Variants in CCSER2 observed in about 807,000 individuals in gnomAD.
CCSER2 encodes coiled-coil serine rich protein 2.
CCSER2 carries 46 observed loss-of-function variants against 92.3 expected under a neutral mutation model. That is an observed-to-expected ratio of 0.50 (90% CI 0.39 to 0.64). The LOEUF (loss-of-function observed/expected upper bound fraction) is 0.64. Among genes scored for constraint, CCSER2 ranks in the 30% least tolerant of loss-of-function variants. The pLI is 0.00. For synonymous variants in CCSER2, 433 were observed against 431.4 expected, an observed-to-expected ratio of 1.00 and a Z score of -0.04; for missense variants, 1,244 against 1,238.9, an observed-to-expected ratio of 1.00 and a Z score of -0.06.
At chr10:84,355,354 A>G (rs61232250) in intron 1 of CCSER2, among the ~76,000 whole-genome samples, 32,277 of 152,024 alleles carry the variant, frequency 0.21, 3,654 homozygotes, top group Admixed American at 0.34. Context: ...TGTCATGCTG[A>G]TTCTATGTTT....
At chr10:84,431,684 G>A (rs1039949876) in intron 5 of CCSER2, among the ~76,000 whole-genome samples, 2 of 152,120 alleles carry the variant, frequency 1.3e-5, no homozygotes, top group Non-Finnish European at 2.9e-5. Flanking sequence ...TGAGGCTGCA[G>A]TGAGCCGAGA....
chr10:84,447,814 T>G (rs1340394428), intron 6 of CCSER2, among the ~76,000 whole-genome samples: 2 of 152,086 alleles, frequency 1.3e-5, no homozygotes, highest in Non-Finnish European at 2.9e-5. Flanking sequence ...TTCTTTTGTT[T>G]TGTTTTGTTT....
At chr10:84,431,396 T>A (rs765147468) in intron 5 of CCSER2, among the ~76,000 whole-genome samples, 2 of 152,108 alleles carry the variant, frequency 1.3e-5, no homozygotes, top group Non-Finnish European at 2.9e-5. Flanking sequence ...TTCTTTCACT[T>A]ACCAAAATAC....
chr10:84,451,254 G>GTTTT (rs554339043), intron 6 of CCSER2, among the ~76,000 whole-genome samples: 1 of 139,566 alleles, frequency 7.2e-6, no homozygotes. Flanking sequence ...GGTTGGTTGG[G>GTTTT]TTTTTTTTTT....
chr10:84,406,631 A>G (rs943137835), intron 3 of CCSER2, among the ~76,000 whole-genome samples: 2 of 152,184 alleles, frequency 1.3e-5, no homozygotes, highest in African/African-American at 4.8e-5. Flanking sequence ...GAGAATATAC[A>G]TATTTGGGTT....
At chr10:84,423,956 G>A (rs1319483393) in intron 4 of CCSER2, among the ~76,000 whole-genome samples, 1 of 146,108 alleles carries the variant, frequency 6.8e-6, no homozygotes, top group African/African-American at 2.6e-5. Flanking sequence ...AGACCAGCCT[G>A]GCCAGCATAG....
At chr10:84,464,971 G>A (rs1217084954) in intron 7 of CCSER2, among the ~76,000 whole-genome samples, 1 of 152,134 alleles carries the variant, frequency 6.6e-6, no homozygotes, top group Non-Finnish European at 1.5e-5. Context: ...AATCATAAGA[G>A]TATAGTACAG....
intron 9 of CCSER2, among the ~76,000 whole-genome samples, chr10:84,484,889 A>G (rs1847714552): frequency 6.6e-6 from 1 of 152,160 alleles, no homozygotes; most frequent in Non-Finnish European, 1.5e-5. Flanking sequence ...TAAACCAATA[A>G]CCGAAAAAAC....
At position 84,470,395 on chromosome 10, in the gene CCSER2, A is replaced by G; in HGVS notation, c.2172A>G (p.Ile724Met). 5 of 1,366,092 alleles carry G rather than the reference A, an allele frequency of 3.7e-6. No homozygotes were observed. Among genetic ancestry groups the G allele is most frequent in the Non-Finnish European group, 4.9e-6 (5 of 1,018,690 alleles). The allele number at this position is 1,366,092 out of a possible 1,614,324, so 84.6% of individuals were successfully genotyped here. A position where few individuals can be genotyped will look rare whatever the true frequency, so the allele number is the denominator to read the frequency against. Residue 724 changes from isoleucine (I) to methionine (M), a missense_variant, in exon 8 of 10, where the codon ATA becomes ATG. Physicochemically the swap from Ile to Met is conservative, Grantham distance 10 (BLOSUM62 1). Coordinates refer to ENST00000372088, the MANE Select transcript of CCSER2 (RefSeq NM_001284240.2). ...VYKNEDLLNE[I>M]KQLKDEIKKK... ...AGAATGAAGATTTATTAAATGAAAT[A>G]AAACAACTTAAAGACGAAATAAAGA...
At chr10:84,452,995 C>T (rs187849433) in intron 6 of CCSER2, among the ~76,000 whole-genome samples, 100 of 152,154 alleles carry the variant, frequency 6.6e-4, no homozygotes, top group African/African-American at 2.2e-3. Flanking sequence ...GGCTCTTGTG[C>T]TTTAATGGAA....
At chr10:84,448,862 T>C (rs915634425) in intron 6 of CCSER2, among the ~76,000 whole-genome samples, 2 of 152,220 alleles carry the variant, frequency 1.3e-5, no homozygotes, top group Non-Finnish European at 2.9e-5. Context: ...ATTTTTTTAC[T>C]CGCCTTAATG....
intron 6 of CCSER2, among the ~76,000 whole-genome samples, chr10:84,444,882 A>G (rs1357868494): frequency 6.6e-6 from 1 of 152,210 alleles, no homozygotes; most frequent in East Asian, 1.9e-4. Flanking sequence ...CATTCTACTC[A>G]TCACAACATC....
intron 6 of CCSER2, among the ~76,000 whole-genome samples, chr10:84,444,939 A>G (rs1267557386): frequency 1.3e-5 from 2 of 152,198 alleles, no homozygotes; most frequent in Non-Finnish European, 2.9e-5. Context: ...TTTAATGGTC[A>G]GAAAACTAAG....
At chr10:84,481,526 T>G (rs1204774200) in intron 9 of CCSER2, among the ~76,000 whole-genome samples, 1 of 152,062 alleles carries the variant, frequency 6.6e-6, no homozygotes, top group Non-Finnish European at 1.5e-5. Flanking sequence ...CTGTTTGGGT[T>G]TGGTTTGGTT....
At chr10:84,338,493 A>G (rs185692531) in intron 1 of CCSER2, among the ~76,000 whole-genome samples, 1 of 152,252 alleles carries the variant, frequency 6.6e-6, no homozygotes, top group East Asian at 1.9e-4. Context: ...CAGAGAAAAA[A>G]AATGCAGGAT....
intron 1 of CCSER2, among the ~76,000 whole-genome samples, chr10:84,359,822 T>G (rs774606514): frequency 3.3e-5 from 5 of 152,086 alleles, no homozygotes; most frequent in African/African-American, 1.2e-4. Flanking sequence ...TTATTTTATT[T>G]TTTTTTTCTG....
intron 4 of CCSER2, among the ~76,000 whole-genome samples, chr10:84,424,349 G>C (rs1018240005): frequency 1.3e-5 from 2 of 150,682 alleles, no homozygotes; most frequent in South Asian, 4.2e-4. Context: ...CAAATGTAAG[G>C]CTTCTTTTAA....
chr10:84,428,985 GTATATATATATATA>G (rs60243946), intron 5 of CCSER2, among the ~76,000 whole-genome samples: 61 of 140,874 alleles, frequency 4.3e-4, no homozygotes, highest in African/African-American at 1.1e-3. Context: ...GTGTGTATGT[GTATATATATATATA>G]TATATATATA....
intron 6 of CCSER2, chr10:84,455,435 G>A (rs1380146877): frequency 4.2e-6 from 1 of 239,280 alleles, no homozygotes; most frequent in Non-Finnish European, 8.2e-6. Flanking sequence ...GCCACCATAT[G>A]TGGCTAATTT....
Sources: gnomAD v4.1 joint callset for allele counts (sites outside exome capture counted in the v4.1 genomes callset) on GRCh38, gnomAD v4.1.1 for gene constraint, MANE v1.5 for transcripts, NCBI Gene and HGNC (gene_info 2026-07-23, HGNC 2026-07-21) for gene names.